Variants in TUBGCP4 observed in about 807,000 individuals in gnomAD.
TUBGCP4 encodes the protein tubulin gamma complex component 4.
TUBGCP4 carries 54 observed loss-of-function variants against 91.6 expected under a neutral mutation model. The observed-to-expected ratio is 0.59, with a 90% CI of 0.47 to 0.74. The LOEUF is 0.74. Ranked by LOEUF, TUBGCP4 falls within the 30% of genes least tolerant of loss-of-function variation. The pLI, the probability that TUBGCP4 is intolerant of heterozygous loss-of-function variation, is 0.00. For synonymous variants in TUBGCP4, 297 were observed against 302.8 expected (o/e 0.98, Z 0.20); for missense variants, 593 against 800.9 (o/e 0.74, Z 3.13).
chr15:43,376,659 G>A (rs1005761112), intron 3 of TUBGCP4, 34 bp downstream of exon 3: 1 of 1,613,726 alleles, frequency 6.2e-7, no homozygotes, highest in Non-Finnish European at 8.5e-7. Flanking sequence ...ACACCTCTGG[G>A]ACAGTAGATT....
intron 7 of TUBGCP4, chr15:43,385,451 G>C (rs2142809874): frequency 4.3e-6 from 2 of 465,836 alleles, no homozygotes; most frequent in East Asian, 6.6e-5. Context: ...AGCACCAGCA[G>C]AGAAGACATA....
chr15:43,405,048 A>G, intron 17 of TUBGCP4, 154 bp from the exon 18 acceptor site: 1 of 809,652 alleles, frequency 1.2e-6, no homozygotes, highest in South Asian at 1.9e-5. Flanking sequence ...CTGCAAGCAG[A>G]TTTTTTTCTA....
At chr15:43,393,552 C>T (rs952626129) in intron 9 of TUBGCP4, among the ~76,000 whole-genome samples, 14 of 151,930 alleles carry the variant, frequency 9.2e-5, no homozygotes, top group African/African-American at 2.2e-4. Context: ...CCCATTAACT[C>T]GTTATTTAGC....
Position 43,404,412 on chromosome 15 carries a change from G to A in TUBGCP4, c.1849-1G>A. 6.2e-7 allele frequency: 1 copy of A among 1,614,126 alleles called. No homozygotes were observed. The highest frequency in any genetic ancestry group is 8.5e-7 in the Non-Finnish European group (1 of 1,180,000). Reference sequence around the variant, plus strand: ...TGACAGCTGAGTCCTTCTCTCTGCAGGGCTTTAGCCGCCAGTCTTCACTCC... The same window carrying A: ...TGACAGCTGAGTCCTTCTCTCTGCAAGGCTTTAGCCGCCAGTCTTCACTCC... On this transcript the variant is annotated splice_acceptor_variant, in intron 16 of 17. Transcript: ENST00000564079. LOFTEE classifies it high-confidence loss of function.
chr15:43,394,916 T>TTACCCAGTCTAAA, intron 9 of TUBGCP4, 191 bp from the exon 10 acceptor site: 1 of 604,884 alleles, frequency 1.7e-6, no homozygotes, highest in Admixed American at 3.0e-5. Flanking sequence ...TCTTCATTAA[T>TTACCCAGTCTAAA]TACCCAGTCT....
chr15:43,378,770 C>T (rs2044243790), intron 5 of TUBGCP4, among the ~76,000 whole-genome samples: 1 of 152,214 alleles, frequency 6.6e-6, no homozygotes, highest in African/African-American at 2.4e-5. Flanking sequence ...GTGTACTAGG[C>T]ACTGTGCTAA....
At position 43,382,276 on chromosome 15, in the gene TUBGCP4, A is replaced by G. The variant is rs568482840; in HGVS notation, c.522-1027A>G. On this transcript the variant is annotated intron_variant, in intron 6 of 17. Coordinates refer to ENST00000564079, the MANE Select transcript of TUBGCP4 (RefSeq NM_014444.5). ...AAAGGGATTCTCTTATAGAACATCA[A>G]TTCCATATTACACCCAAGAAAGTTA... Among the ~76,000 whole-genome samples, 60 of 152,328 alleles carry G rather than the reference A, an allele frequency of 3.9e-4. 1 individual carries two copies. In the South Asian group the frequency reaches 6.8e-3, roughly 17 times the overall value.
rs1263659531 is a variant in TUBGCP4 at position 43,406,717 on chromosome 15, T to A, written c.*1503T>A. 30 of 420,934 alleles carry A rather than the reference T, an allele frequency of 7.1e-5. No homozygotes were observed. In the Admixed American group the frequency reaches 7.3e-4, roughly 10 times the overall value. The allele number at this position is 420,934 out of a possible 1,614,324, so 26.1% of individuals were successfully genotyped here. On this transcript the variant is annotated 3_prime_UTR_variant, in exon 18 of 18. Transcript: ENST00000564079. ...TGTGACAATAATAATAATAATAATA[T>A]TGGGTCTTTGACTAGAACGTGTAAC...
At chr15:43,382,798 A>G (rs758713114) in intron 6 of TUBGCP4, among the ~76,000 whole-genome samples, 12 of 152,068 alleles carry the variant, frequency 7.9e-5, no homozygotes, top group African/African-American at 1.2e-4. Flanking sequence ...TGAATATCCT[A>G]TTCCCCAACA....
At chr15:43,393,745 T>C (rs989344169) in intron 9 of TUBGCP4, among the ~76,000 whole-genome samples, 1 of 152,124 alleles carries the variant, frequency 6.6e-6, no homozygotes, top group Non-Finnish European at 1.5e-5. Flanking sequence ...TGGTTTCCAG[T>C]TTCATCCATG....
chr15:43,404,523 C>CTA lies in TUBGCP4; in HGVS notation c.1962_1963dup (p.Thr655IlefsTer21). 7 of 1,614,188 alleles carry CTA rather than the reference C, an allele frequency of 4.3e-6. No homozygotes were observed. Among genetic ancestry groups the CTA allele is most frequent in the Non-Finnish European group, 5.9e-6 (7 of 1,180,020 alleles). On this transcript the variant is annotated frameshift_variant, in exon 17 of 18. Coordinates refer to ENST00000564079, the MANE Select transcript of TUBGCP4 (RefSeq NM_014444.5). LOFTEE classifies it high-confidence loss of function. ...TGTTACGACTAGATTATAACAAATA[C>CTA]TATACCCAGGCTGGTGGAACTCTGG...
In TUBGCP4 at chr15:43,371,307, G is replaced by C. The variant is rs765125458; in HGVS notation, c.-48G>C. The C allele has an allele frequency of 6.3e-7, 1 of 1,584,600 alleles. No homozygotes were observed. The highest frequency in any genetic ancestry group is 1.7e-5 in the Admixed American group (1 of 57,150). ...TCCCCTCGTGGTCGCCTGGAGGTGC[G>C]CTGGAGGAGGGGGTGACATAACCAG... On this transcript the variant is annotated 5_prime_UTR_variant, in exon 1 of 18. Transcript: ENST00000564079.
chr15:43,385,792 G>A lies in TUBGCP4; in HGVS notation c.725G>A (p.Arg242His), dbSNP rs764681778. 1.2e-5 allele frequency: 19 copies of A among 1,613,844 alleles called. No individual in the cohort carries two copies. Among genetic ancestry groups the A allele is most frequent in the East Asian group, 8.9e-5 (4 of 44,888 alleles). The change falls in exon 8 of 18, where the codon CGC (arginine) becomes CAC (histidine). Residue 242 changes from arginine to histidine, a missense_variant and splice_region_variant. Physicochemically the swap from Arg to His is conservative, Grantham distance 29. Transcript: ENST00000564079. ...GKQLRELQDL[R>H]LIEEENMLAP... ...GATGTGTACTCTTTCCTTGACTAGC[G>A]CCTGATTGAGGAAGAGAACATGCTG...
chr15:43,409,705 G>T lies in TUBGCP4; in HGVS notation c.*4491G>T. Reference sequence around the variant, plus strand: ...AGCTCCTGCTCGAAGCTGGGATTCTGTATACTGCTTGTTGAAAGGAGGAAT... The same window carrying T: ...AGCTCCTGCTCGAAGCTGGGATTCTTTATACTGCTTGTTGAAAGGAGGAAT... On this transcript the variant is annotated 3_prime_UTR_variant, in exon 18 of 18. Coordinates refer to ENST00000564079, the MANE Select transcript of TUBGCP4 (RefSeq NM_014444.5). 6.4e-7 allele frequency: 1 copy of T among 1,569,474 alleles called. No homozygotes were observed. The highest frequency in any genetic ancestry group is 8.6e-7 in the Non-Finnish European group (1 of 1,160,250).
At chr15:43,377,761 T>C (rs2044231220) in intron 4 of TUBGCP4, 86 bp from the exon 5 acceptor site, 2 of 1,092,876 alleles carry the variant, frequency 1.8e-6, no homozygotes, top group East Asian at 4.9e-5. Context: ...TAAGTTGAAC[T>C]ATTTAGAAAC....
intron 6 of TUBGCP4, among the ~76,000 whole-genome samples, chr15:43,381,855 T>A (rs533188290): frequency 9.9e-5 from 15 of 152,210 alleles, no homozygotes; most frequent in Admixed American, 4.6e-4. Flanking sequence ...ATGCACAAAT[T>A]TTTTTGCAGA....
intron 9 of TUBGCP4, among the ~76,000 whole-genome samples, chr15:43,387,034 A>G (rs945325892): frequency 6.6e-6 from 1 of 152,248 alleles, no homozygotes; most frequent in Non-Finnish European, 1.5e-5. Context: ...GGAATCAACT[A>G]ATTCTGACTA....
rs1467018724 is a variant in TUBGCP4 at position 43,371,289 on chromosome 15, G to C, written c.-66G>C. 1.3e-6 allele frequency: 2 copies of C among 1,527,156 alleles called. No individual in the cohort carries two copies. Among genetic ancestry groups the C allele is most frequent in the East Asian group, 2.3e-5 (1 of 43,516 alleles). 94.6% of individuals were successfully genotyped at this position (1,527,156 alleles called of 1,614,324 possible). On this transcript the variant is annotated 5_prime_UTR_variant, in exon 1 of 18. Transcript: ENST00000564079. ...GTGTGGAAGGGGAAGCACTCCCCTC[G>C]TGGTCGCCTGGAGGTGCGCTGGAGG... is the stretch of plus-strand genomic sequence containing the variant.
chr15:43,371,509 G>A (rs2044121092), intron 1 of TUBGCP4, 77 bp downstream of exon 1: 2 of 1,453,188 alleles, frequency 1.4e-6, no homozygotes, highest in Non-Finnish European at 9.6e-7. Flanking sequence ...GGAGTAGGCT[G>A]AGGGACCTAG....
Sources: allele counts gnomAD v4.1 joint callset (sites outside exome capture counted in the v4.1 genomes callset), GRCh38; gene constraint gnomAD v4.1.1; transcripts MANE v1.5; gene names NCBI Gene and HGNC (gene_info 2026-07-23, HGNC 2026-07-21).